The following NAV2 variants were observed in gnomAD, a reference collection of about 807,000 sequenced individuals.
NAV2 encodes neuron navigator 2.
A neutral mutation model predicts 223.2 loss-of-function variants in NAV2; 54 were observed. The observed-to-expected ratio is 0.24, with a 90% CI of 0.19 to 0.30. NAV2 has a LOEUF of 0.30. NAV2 is among the 10% of genes least tolerant of loss of function. NAV2 has a pLI of 1.00. For missense variants in NAV2, 2,806 were observed against 3,147.5 expected (o/e 0.89, Z 2.60); for synonymous variants, 1,279 against 1,239.3 (o/e 1.03, Z -0.67).
At chr11:20,057,886 T>C (rs1591899629) in intron 19 of NAV2, among the ~76,000 whole-genome samples, 1 of 152,354 alleles carries the variant, frequency 6.6e-6, no homozygotes, top group Middle Eastern at 3.4e-3. Context: ...TAAAAAGTGC[T>C]TGCCCACAAG....
intron 11 of NAV2, among the ~76,000 whole-genome samples, chr11:20,028,465 C>T (rs960149027): frequency 1.3e-5 from 2 of 152,220 alleles, no homozygotes; most frequent in East Asian, 1.9e-4. Flanking sequence ...TAAAATGCTA[C>T]ATGTTGGCCA....
chr11:19,936,998 C>T (rs543963626), intron 7 of NAV2, among the ~76,000 whole-genome samples: 16 of 152,128 alleles, frequency 1.1e-4, no homozygotes, highest in Admixed American at 7.2e-4. Context: ...ATTAGCCTGG[C>T]GAGGTGGTGC....
At chr11:19,631,561 A>G (rs1337385619) in intron 1 of NAV2, among the ~76,000 whole-genome samples, 1 of 152,076 alleles carries the variant, frequency 6.6e-6, no homozygotes, top group Non-Finnish European at 1.5e-5. Flanking sequence ...CCTTCCTACC[A>G]AGACTAGTGT....
chr11:19,573,970 A>G (rs1158079557), intron 1 of NAV2, among the ~76,000 whole-genome samples: 2 of 152,334 alleles, frequency 1.3e-5, no homozygotes, highest in East Asian at 1.9e-4. Context: ...AAGTCTGCCT[A>G]GAACCATGGC....
chr11:19,368,709 AAAGTCAAAGTCACACAGCAAAT>A (rs1476460851), intron 1 of NAV2, among the ~76,000 whole-genome samples: 1 of 152,218 alleles, frequency 6.6e-6, no homozygotes, highest in African/African-American at 2.4e-5. Context: ...AGGGAAGTTA[AAAGTCAAAGTCACACAGCAAAT>A]AAGTGATAGA....
intron 1 of NAV2, among the ~76,000 whole-genome samples, chr11:19,498,632 T>C (rs2042872399): frequency 6.6e-6 from 1 of 152,232 alleles, no homozygotes; most frequent in African/African-American, 2.4e-5. Flanking sequence ...TACCTGTTCA[T>C]TCCCATATTT....
chr11:20,007,157 A>G lies in NAV2; in HGVS notation c.2768+22910A>G, dbSNP rs117904221. On this transcript the variant is annotated intron_variant, in intron 11 of 37. Transcript: ENST00000349880. ...TTTTTTGTAGAGACAGGGTTTCACCATGTCATCCAGTCTGGTCTTGAACTT... is the reference window on the plus strand; with the variant it reads ...TTTTTTGTAGAGACAGGGTTTCACCGTGTCATCCAGTCTGGTCTTGAACTT... Among the ~76,000 whole-genome samples, 1,321 of 152,068 alleles carry G rather than the reference A, an allele frequency of 8.7e-3. 7 individuals carry two copies. Among genetic ancestry groups the G allele is most frequent in the Non-Finnish European group, 0.014 (954 of 67,892 alleles).
rs991557054 is a variant in NAV2, at chr11:19,998,556, T to G, written c.2768+14309T>G. Among the ~76,000 whole-genome samples, 2 of 152,132 alleles carry G rather than the reference T, an allele frequency of 1.3e-5. No homozygotes were observed. Among genetic ancestry groups the G allele is most frequent in the African/African-American group, 4.8e-5 (2 of 41,398 alleles). On this transcript the variant is annotated intron_variant, in intron 11 of 37. Coordinates refer to ENST00000349880, the MANE Select transcript of NAV2 (RefSeq NM_145117.5). This position sits in a 1 kb window ranked among gnomAD's most constrained non-coding sequence, Gnocchi z 5.0. ...CCTTGCCGTGGCCTCCAAGGGGGTG[T>G]GTGTTCTGGCCCCTGCGCACCTCTC...
intron 3 of NAV2, among the ~76,000 whole-genome samples, chr11:19,862,586 A>G (rs1271411419): frequency 2.6e-5 from 4 of 152,190 alleles, no homozygotes; most frequent in Non-Finnish European, 4.4e-5. Flanking sequence ...TTCCATACCT[A>G]GGAGAATTGG....
At chr11:19,714,531 T>G in intron 1 of NAV2, 1 of 453,794 alleles carries the variant, frequency 2.2e-6, no homozygotes, top group Non-Finnish European at 4.4e-6. Flanking sequence ...CCGGGCAAGG[T>G]GCTGGGACTG....
intron 1 of NAV2, among the ~76,000 whole-genome samples, chr11:19,706,245 T>C (rs1030226719): frequency 1.3e-5 from 2 of 152,248 alleles, no homozygotes; most frequent in Non-Finnish European, 2.9e-5. Context: ...ATACAGGCTT[T>C]CCTCTAATCC....
At chr11:19,967,887 TC>T (rs1231181809) in intron 10 of NAV2, among the ~76,000 whole-genome samples, 1 of 152,192 alleles carries the variant, frequency 6.6e-6, no homozygotes, top group Non-Finnish European at 1.5e-5. Flanking sequence ...GATAAGGATC[TC>T]CTTGGAAAGC....
At chr11:20,013,725 T>C (rs1365255163) in intron 11 of NAV2, among the ~76,000 whole-genome samples, 1 of 152,114 alleles carries the variant, frequency 6.6e-6, no homozygotes, top group African/African-American at 2.4e-5. Flanking sequence ...AAATTCAAGG[T>C]CTGTCCCCAG....
At chr11:19,368,743 C>T (rs745309726) in intron 1 of NAV2, among the ~76,000 whole-genome samples, 9 of 152,106 alleles carry the variant, frequency 5.9e-5, no homozygotes, top group Non-Finnish European at 1.0e-4. Context: ...AGTGATAGAG[C>T]ATGTATTTGT....
At position 19,848,680 on chromosome 11, in the gene NAV2, G is replaced by T. The variant is rs1416977944; in HGVS notation, c.438+5757G>T. On this transcript the variant is annotated intron_variant, in intron 3 of 37. Coordinates refer to ENST00000349880, the MANE Select transcript of NAV2 (RefSeq NM_145117.5). ...AATCTACATGAAGTGCTGGCACGTT[G>T]CTGGCCACAGAGTTGCTGGCCTCAG... 2.0e-5 allele frequency among the ~76,000 whole-genome samples: 3 copies of T among 152,332 alleles called. No individual in the cohort carries two copies. The East Asian group carries it at 5.8e-4, about 29-fold the overall frequency.
At chr11:20,005,566 GA>G (rs59651537) in intron 11 of NAV2, among the ~76,000 whole-genome samples, 74,837 of 138,990 alleles carry the variant, frequency 0.54, 22,447 homozygotes, top group South Asian at 0.72. Flanking sequence ...TTAAAAAAAA[GA>G]AAAAAAAAAA....
intron 1 of NAV2, among the ~76,000 whole-genome samples, chr11:19,831,226 G>T (rs551343147): frequency 3.3e-3 from 273 of 83,180 alleles, no homozygotes; most frequent in Non-Finnish European, 5.1e-3. Context: ...AGTGTTGCGG[G>T]GGGGGGGGGG....
intron 1 of NAV2, among the ~76,000 whole-genome samples, chr11:19,735,292 G>A (rs1256550110): frequency 2.6e-5 from 4 of 152,178 alleles, no homozygotes; most frequent in South Asian, 2.1e-4. Flanking sequence ...CCCTGCTCAC[G>A]CTCCCTGGCT....
intron 1 of NAV2, among the ~76,000 whole-genome samples, chr11:19,624,359 C>A (rs546575027): frequency 1.3e-5 from 2 of 152,270 alleles, no homozygotes; most frequent in South Asian, 4.1e-4. Flanking sequence ...TGCCCTGCCC[C>A]CAGAGGTGGA....
Sources: gnomAD v4.1 joint callset for allele counts (sites outside exome capture counted in the v4.1 genomes callset) on GRCh38, gnomAD v4.1.1 for gene constraint, Gnocchi (gnomAD v3.1) non-coding constraint, MANE v1.5 for transcripts, NCBI Gene and HGNC (gene_info 2026-07-23, HGNC 2026-07-21) for gene names.